The following FRMD6 variants were observed in gnomAD, a reference collection of about 807,000 sequenced individuals.
FRMD6 encodes the protein FERM domain containing 6.
Under a neutral mutation model 73.2 loss-of-function variants are expected in FRMD6, and 37 were observed. The observed-to-expected ratio is 0.51, with a 90% CI of 0.39 to 0.66. The LOEUF is 0.66. FRMD6 is among the 30% of genes least tolerant of loss of function. FRMD6 has a pLI of 0.00. For missense variants in FRMD6, 714 were observed against 780.5 expected (o/e 0.91, Z 1.02); for synonymous variants, 273 against 282.2 (o/e 0.97, Z 0.33).
chr14:51,631,074 G>A (rs1421129784), intron 2 of FRMD6, among the ~76,000 whole-genome samples: 1 of 151,986 alleles, frequency 6.6e-6, no homozygotes, highest in East Asian at 1.9e-4. Flanking sequence ...TACTTGCCCA[G>A]ATAGTGCAGA....
intron 1 of FRMD6, among the ~76,000 whole-genome samples, chr14:51,543,880 C>T (rs1006020824): frequency 1.3e-5 from 2 of 152,012 alleles, no homozygotes; most frequent in Admixed American, 1.3e-4. Context: ...GCAGTGAAGT[C>T]AGTAAGAATG....
At chr14:51,651,367 T>C (rs45500895), upstream of FRMD6, 8,848 of 152,186 alleles carry the variant, frequency 0.058, 330 homozygotes, top group African/African-American at 0.1. Context: ...GGGACCGCCT[T>C]CTCTCGGAGT....
At chr14:51,432,921 G>C in the FRMD6 span, among the ~76,000 whole-genome samples, 1 of 152,178 alleles carries the variant, frequency 6.6e-6, no homozygotes, top group African/African-American at 2.4e-5. Flanking sequence ...TTCGTGAGCA[G>C]ACAATTCACA....
chr14:51,551,571 C>CA (rs553000479), intron 1 of FRMD6, among the ~76,000 whole-genome samples: 24 of 152,036 alleles, frequency 1.6e-4, no homozygotes, highest in African/African-American at 5.1e-4. Context: ...CCTGTCTTTA[C>CA]AAAAAATACG....
intron 2 of FRMD6, among the ~76,000 whole-genome samples, chr14:51,572,734 TG>T (rs747420138): frequency 1.3e-5 from 2 of 152,314 alleles, no homozygotes; most frequent in Non-Finnish European, 2.9e-5. Context: ...TAAAAACGAA[TG>T]CCTAAGATGG....
At chr14:51,653,340 G>A (rs754507775) in intron 1 of FRMD6, among the ~76,000 whole-genome samples, 25 of 152,166 alleles carry the variant, frequency 1.6e-4, no homozygotes. Context: ...AGAAAATGCT[G>A]TTGGAGAAAG....
chr14:51,538,193 G>A (rs1242430042), intron 1 of FRMD6, among the ~76,000 whole-genome samples: 5 of 152,112 alleles, frequency 3.3e-5, no homozygotes, highest in Non-Finnish European at 5.9e-5. Context: ...AAGGTACAAA[G>A]TCTGTGTCTA....
chr14:51,440,600 T>C, the FRMD6 span, among the ~76,000 whole-genome samples: 1 of 152,162 alleles, frequency 6.6e-6, no homozygotes. Context: ...AACTGAGAAT[T>C]CTGCTAAAGG....
chr14:51,481,870 G>A, the FRMD6 span, among the ~76,000 whole-genome samples: 5 of 152,258 alleles, frequency 3.3e-5, no homozygotes, highest in South Asian at 4.1e-4. Flanking sequence ...CAGAGATTAG[G>A]GCATATGCAG....
intron 2 of FRMD6, among the ~76,000 whole-genome samples, chr14:51,607,108 C>T (rs1313547819): frequency 6.6e-6 from 1 of 152,140 alleles, no homozygotes; most frequent in Non-Finnish European, 1.5e-5. Context: ...ATGCTAATCT[C>T]CTCTGGAAAC....
At chr14:51,600,962 G>C (rs1890004190) in intron 2 of FRMD6, among the ~76,000 whole-genome samples, 2 of 152,182 alleles carry the variant, frequency 1.3e-5, no homozygotes. Context: ...ACTTGGCTTT[G>C]AAATGAAAAT....
At chr14:51,587,299 G>A (rs1020444198) in intron 2 of FRMD6, among the ~76,000 whole-genome samples, 1 of 152,048 alleles carries the variant, frequency 6.6e-6, no homozygotes, top group Non-Finnish European at 1.5e-5. Flanking sequence ...AGTAGATTGA[G>A]GTGGCTTCTC....
chr14:51,568,604 G>A (rs1021769869), intron 1 of FRMD6, among the ~76,000 whole-genome samples: 14 of 152,212 alleles, frequency 9.2e-5, no homozygotes, highest in African/African-American at 1.4e-4. Flanking sequence ...ATGTGTGCCA[G>A]GCTGCCCAAG....
chr14:51,587,062 C>T (rs1409424046), intron 2 of FRMD6, among the ~76,000 whole-genome samples: 1 of 152,188 alleles, frequency 6.6e-6, no homozygotes, highest in Non-Finnish European at 1.5e-5. Flanking sequence ...GGCCCAAGTT[C>T]ATCTTTTTCT....
chr14:51,720,987 CA>C (rs747047898), intron 11 of FRMD6, among the ~76,000 whole-genome samples: 1 of 152,168 alleles, frequency 6.6e-6, no homozygotes. Context: ...TTTTCTGTCT[CA>C]AATAAGTGCT....
chr14:51,641,500 T>C (rs1891806939), intron 2 of FRMD6, among the ~76,000 whole-genome samples: 1 of 152,092 alleles, frequency 6.6e-6, no homozygotes, highest in Non-Finnish European at 1.5e-5. Flanking sequence ...TAGGACGAGA[T>C]AAAATGTGTA....
Position 51,639,448 on chromosome 14 carries a change from A to T in FRMD6, c.-146-50243A>T, listed in dbSNP as rs147950184. On this transcript the variant is annotated intron_variant, in intron 2 of 14. Coordinates refer to the FRMD6 transcript ENST00000356218. ...AGACTCCATCTCAAAAAAAAAAAATAATTATTATTATTAAACTCCACTATT... is the reference window on the plus strand; with the variant it reads ...AGACTCCATCTCAAAAAAAAAAAATTATTATTATTATTAAACTCCACTATT... Among the ~76,000 whole-genome samples the T allele has an allele frequency of 2.3e-3, 342 of 150,242 alleles. 2 individuals are homozygous for T. Among genetic ancestry groups the T allele is most frequent in the East Asian group, 0.011 (57 of 5,168 alleles).
chr14:51,427,503 G>A, the FRMD6 span, among the ~76,000 whole-genome samples: 1 of 152,196 alleles, frequency 6.6e-6, no homozygotes, highest in Non-Finnish European at 1.5e-5. Flanking sequence ...AAAGAAATGG[G>A]AAAACTTAAC....
the FRMD6 span, among the ~76,000 whole-genome samples, chr14:51,470,317 A>G: frequency 1.3e-5 from 2 of 152,152 alleles, no homozygotes; most frequent in African/African-American, 4.8e-5. Context: ...GAGAGTTCCA[A>G]ACAAGGCTGG....
Sources: gnomAD v4.1 joint callset for allele counts (sites outside exome capture counted in the v4.1 genomes callset) on GRCh38, gnomAD v4.1.1 for gene constraint, MANE v1.5 for transcripts, NCBI Gene and HGNC (gene_info 2026-07-23, HGNC 2026-07-21) for gene names.